The following SPON1 variants were observed in gnomAD, a reference collection of about 807,000 sequenced individuals.
The protein encoded by SPON1 is spondin 1.
In SPON1, 52 loss-of-function variants were observed where a neutral mutation model predicts 111.7. The observed-to-expected ratio is 0.47, with a 90% confidence interval of 0.37 to 0.59. SPON1 has a LOEUF of 0.59. Ranked by LOEUF, SPON1 falls within the 20% of genes least tolerant of loss-of-function variation. The probability of loss-of-function intolerance (pLI) is 0.00; values close to 1 mark genes in which losing one functional copy is unlikely to be tolerated. For missense variants in SPON1, 957 were observed against 1,068.5 expected, an observed-to-expected ratio of 0.90 and a Z score of 1.46; for synonymous variants, 410 against 395.8, an observed-to-expected ratio of 1.04 and a Z score of -0.43.
intron 7 of SPON1, 73 bp downstream of exon 7, chr11:14,243,469 C>T (rs1328226263): frequency 8.1e-7 from 1 of 1,227,814 alleles, no homozygotes; most frequent in Non-Finnish European, 1.2e-6. Flanking sequence ...CTAATGGCCA[C>T]CACATACCAG....
chr11:14,183,983 G>A (rs1397515178), intron 6 of SPON1, among the ~76,000 whole-genome samples: 1 of 152,112 alleles, frequency 6.6e-6, no homozygotes, highest in Non-Finnish European at 1.5e-5. Flanking sequence ...TACATATGTT[G>A]ATGAAAAGCA....
At chr11:14,020,984 A>AT (rs1554914753) in intron 2 of SPON1, among the ~76,000 whole-genome samples, 1 of 152,186 alleles carries the variant, frequency 6.6e-6, no homozygotes, top group Non-Finnish European at 1.5e-5. Flanking sequence ...ATTTAAAAAG[A>AT]TTTGGCAGAT....
intron 1 of SPON1, among the ~76,000 whole-genome samples, chr11:13,970,294 G>A (rs1848052682): frequency 6.6e-6 from 1 of 152,152 alleles, no homozygotes; most frequent in African/African-American, 2.4e-5. Context: ...TGTAGAGCAG[G>A]CTTCTACCTT....
intron 3 of SPON1, among the ~76,000 whole-genome samples, chr11:14,074,423 C>CT (rs1313345161): frequency 2.6e-5 from 4 of 152,138 alleles, no homozygotes; most frequent in Admixed American, 2.0e-4. Flanking sequence ...TCATGTGACT[C>CT]TAATACTCCT....
At chr11:14,188,856 T>A (rs1554934315) in intron 6 of SPON1, among the ~76,000 whole-genome samples, 1 of 152,228 alleles carries the variant, frequency 6.6e-6, no homozygotes, top group East Asian at 1.9e-4. Flanking sequence ...AGAAAAGCTA[T>A]GATGAGCACA....
chr11:14,051,903 A>G (rs868931073), intron 3 of SPON1, among the ~76,000 whole-genome samples: 31 of 152,222 alleles, frequency 2.0e-4, no homozygotes, highest in African/African-American at 7.0e-4. Context: ...TTTTCACTAT[A>G]TTATTCCCAT....
At chr11:14,160,863 A>G (rs868986138) in intron 6 of SPON1, among the ~76,000 whole-genome samples, 1 of 47,838 alleles carries the variant, frequency 2.1e-5, no homozygotes, top group African/African-American at 8.7e-5. Context: ...ATATATATTT[A>G]TATATTTTTA....
At chr11:14,123,628 T>G (rs1405778841) in intron 5 of SPON1, among the ~76,000 whole-genome samples, 1 of 152,212 alleles carries the variant, frequency 6.6e-6, no homozygotes, top group Non-Finnish European at 1.5e-5. Flanking sequence ...AGCTTAGTGT[T>G]TGGTCAAAGA....
At chr11:14,075,440 G>C (rs979218098) in intron 4 of SPON1, 22 bp downstream of exon 4, 3 of 1,516,966 alleles carry the variant, frequency 2.0e-6, no homozygotes, top group Non-Finnish European at 1.8e-6. Flanking sequence ...TGGGTGGGGA[G>C]GGGGAGGGGC....
chr11:14,104,213 G>A (rs371130141), intron 5 of SPON1, among the ~76,000 whole-genome samples: 51 of 151,142 alleles, frequency 3.4e-4, no homozygotes, highest in Non-Finnish European at 4.1e-4. Context: ...CATTTTTTTC[G>A]TTTTTGTGTT....
Position 14,135,502 on chromosome 11 carries a change from C to T in SPON1, c.759C>T (p.Ser253=), listed in dbSNP as rs373179278. 92 of 1,613,790 alleles carry T rather than the reference C, an allele frequency of 5.7e-5. No individual in the cohort carries two copies. The East Asian group carries it at 6.5e-4, about 11-fold the overall frequency. Residue 253 remains serine (S), a synonymous_variant, in exon 6 of 16, where the codon AGC becomes AGT. Transcript: ENST00000576479. This position sits in a 1 kb window ranked among gnomAD's most constrained non-coding sequence, Gnocchi z 4.4. ...YVLWEYGGYA[S]EGVKQVAELG... The stretch of plus-strand genomic sequence containing the variant: ...TGTGGGAATATGGAGGATATGCCAG[C>T]GAAGGCGTCAAACAAGTTGCAGAAT...
rs1053332597 is a variant in SPON1 at position 14,079,793 on chromosome 11, C to T, written c.554-106C>T. On this transcript the variant is annotated intron_variant, in intron 4 of 15. Coordinates refer to ENST00000576479, the MANE Select transcript of SPON1 (RefSeq NM_006108.4). ...AAGTCTTATTAACTAATGAAAGCTGCATCTTCTTTTCCTAAGGGTTAAGGA... is the reference window on the plus strand; with the variant it reads ...AAGTCTTATTAACTAATGAAAGCTGTATCTTCTTTTCCTAAGGGTTAAGGA... 3.3e-5 allele frequency: 41 copies of T among 1,228,014 alleles called. No homozygotes were observed. In the South Asian group the frequency reaches 4.3e-4, roughly 13 times the overall value. 76.1% of individuals were successfully genotyped at this position (1,228,014 alleles called of 1,614,324 possible).
rs782334185 is a variant in SPON1 at position 14,036,730 on chromosome 11, C to T, written c.346-4791C>T. 9.2e-5 allele frequency among the ~76,000 whole-genome samples: 14 copies of T among 151,850 alleles called. No individual in the cohort carries two copies. In the South Asian group the frequency reaches 1.2e-3, roughly 14 times the overall value. On this transcript the variant is annotated intron_variant, in intron 2 of 15. Transcript: ENST00000576479. ...TCAAGTCAGAACAGGAGAGGGTTTA[C>T]GACTGAACCTTGAGCAAGTTCAAAT...
chr11:14,046,354 T>A (rs1198049890), intron 3 of SPON1, among the ~76,000 whole-genome samples: 1 of 152,180 alleles, frequency 6.6e-6, no homozygotes. Context: ...TTACGGAGTA[T>A]TCTCAGTCTT....
At chr11:13,970,020 C>T (rs999462285) in intron 1 of SPON1, among the ~76,000 whole-genome samples, 5 of 152,238 alleles carry the variant, frequency 3.3e-5, no homozygotes, top group Non-Finnish European at 7.3e-5. Context: ...TGGCCCAAAT[C>T]ATTTAAAGCA....
chr11:14,151,710 A>G (rs1395119316), intron 6 of SPON1, among the ~76,000 whole-genome samples: 2 of 152,236 alleles, frequency 1.3e-5, no homozygotes, highest in African/African-American at 4.8e-5. Flanking sequence ...TAAACTATAA[A>G]TCACAGTTCT....
At chr11:14,129,751 C>G (rs532737357) in intron 5 of SPON1, among the ~76,000 whole-genome samples, 1 of 152,074 alleles carries the variant, frequency 6.6e-6, no homozygotes, top group Non-Finnish European at 1.5e-5. Context: ...ACCTGCGACT[C>G]GGTAATTTAT....
intron 3 of SPON1, among the ~76,000 whole-genome samples, chr11:14,063,519 G>C (rs529108465): frequency 2.1e-4 from 32 of 152,136 alleles, no homozygotes; most frequent in Non-Finnish European, 4.0e-4. Flanking sequence ...GATCATGTCC[G>C]GATTTTGTAG....
chr11:14,192,797 A>G (rs1848361755), intron 6 of SPON1, among the ~76,000 whole-genome samples: 1 of 149,128 alleles, frequency 6.7e-6, no homozygotes, highest in South Asian at 2.1e-4. Flanking sequence ...CCCGGGGGAG[A>G]ACATCAAATT....
Sources: gnomAD v4.1 joint callset for allele counts (sites outside exome capture counted in the v4.1 genomes callset) on GRCh38, gnomAD v4.1.1 for gene constraint, Gnocchi (gnomAD v3.1) non-coding constraint, MANE v1.5 for transcripts, NCBI Gene and HGNC (gene_info 2026-07-23, HGNC 2026-07-21) for gene names.